ITGA7: variants seen among roughly 807,000 people sequenced by gnomAD.
ITGA7 encodes the protein integrin subunit alpha 7, also known as integrin alpha-7.
ITGA7 carries 84 observed loss-of-function variants against 131.6 expected under a neutral mutation model. The ratio of observed to expected loss-of-function variants is 0.64; its 90% CI spans 0.54 to 0.77. The LOEUF (loss-of-function observed/expected upper bound fraction) is 0.77. ITGA7 is among the 30% of genes least tolerant of loss of function. The pLI, the probability that ITGA7 is intolerant of heterozygous loss-of-function variation, is 0.00. For missense variants in ITGA7, 1,399 were observed against 1,482.9 expected, an observed-to-expected ratio of 0.94 and a Z score of 0.93; for synonymous variants, 548 against 600.7, an observed-to-expected ratio of 0.91 and a Z score of 1.28.
At chr12:55,702,340 C>A (rs1254392806) in intron 3 of ITGA7, among the ~76,000 whole-genome samples, 1 of 152,194 alleles carries the variant, frequency 6.6e-6, no homozygotes. Flanking sequence ...GCCACCACGC[C>A]CGGCTAATTT....
At chr12:55,712,144 A>G (rs1179030100), upstream of ITGA7, 1 of 1,551,528 alleles carries the variant, frequency 6.4e-7, no homozygotes, top group East Asian at 2.4e-5. Flanking sequence ...GCTGGGAGGA[A>G]AAGAACATAA....
rs775028246 is a variant in ITGA7 at position 55,692,993 on chromosome 12, G to A, written c.2713-18C>T. The A allele has an allele frequency of 3.7e-6, 6 of 1,613,720 alleles. No homozygotes were observed. The South Asian group carries it at 4.4e-5, about 12-fold the overall frequency. On this transcript the variant is annotated intron_variant, in intron 20 of 24. Transcript: ENST00000257879. ...TCCACATCCTGGACACGGAAGGGGGGTCTTAGTGAGTGTCCCTCCAATCAC... is the reference window on the plus strand; with the variant it reads ...TCCACATCCTGGACACGGAAGGGGGATCTTAGTGAGTGTCCCTCCAATCAC...
At chr12:55,687,902 A>T in intron 24 of ITGA7, 69 bp downstream of exon 24, 2 of 1,607,306 alleles carry the variant, frequency 1.2e-6, no homozygotes, top group Non-Finnish European at 1.7e-6. Context: ...GGGTGACAGA[A>T]CCACAATACA....
rs565879205 is a variant in ITGA7 at position 55,697,464 on chromosome 12, C to T, written c.1492G>A (p.Gly498Ser). ...IDLEQPNCAG[G>S]HSVCVDLRVC... ...ATCCCACCTCACCAGACCGAGTGGC[C>T]GCCAGCACAGTTGGGCTGCTCCAGG... is the stretch of plus-strand genomic sequence containing the variant. The change falls in exon 10 of 25, where the codon GGC becomes AGC. Residue 498 changes from glycine to serine, a missense_variant. Coordinates refer to ENST00000257879, the MANE Select transcript of ITGA7 (RefSeq NM_002206.3). 11 of 1,613,932 alleles carry T rather than the reference C, an allele frequency of 6.8e-6. 1 individual carries two copies. The highest frequency in any genetic ancestry group is 5.3e-5 in the African/African-American group (4 of 74,920).
chr12:55,688,381 G>A, intron 22 of ITGA7, 81 bp from the exon 23 acceptor site: 5 of 1,017,788 alleles, frequency 4.9e-6, no homozygotes, highest in East Asian at 2.4e-5. Flanking sequence ...AATTATAAAT[G>A]TAATGGTGCC....
At chr12:55,705,689 C>T (rs568564425) in intron 1 of ITGA7, among the ~76,000 whole-genome samples, 6 of 152,370 alleles carry the variant, frequency 3.9e-5, no homozygotes, top group Admixed American at 3.3e-4. Flanking sequence ...GCACTCACTG[C>T]GGGCTATGCA....
At chr12:55,700,813 T>A in intron 4 of ITGA7, 86 bp downstream of exon 4, 5 of 1,548,474 alleles carry the variant, frequency 3.2e-6, no homozygotes, top group Non-Finnish European at 4.5e-6. Context: ...CATGTGGTCA[T>A]GCTTGGCCAT....
chr12:55,716,062 G>A, upstream of ITGA7: 3 of 1,561,058 alleles, frequency 1.9e-6, no homozygotes, highest in South Asian at 2.3e-5. Flanking sequence ...ATGGCCCCGG[G>A]GAGCCGAGGT....
chr12:55,706,616 A>G (rs1875243020), intron 1 of ITGA7, among the ~76,000 whole-genome samples: 1 of 151,496 alleles, frequency 6.6e-6, no homozygotes, highest in Non-Finnish European at 1.5e-5. Context: ...TACAGGCAAC[A>G]TGACCAGTCA....
chr12:55,716,127 G>A, upstream of ITGA7: 1 of 1,610,426 alleles, frequency 6.2e-7, no homozygotes, highest in Non-Finnish European at 8.5e-7. Context: ...CCCCCAGCCC[G>A]ACGTGACCAT....
upstream of ITGA7, chr12:55,712,489 T>C (rs1373913970): frequency 1.7e-6 from 1 of 576,728 alleles, no homozygotes; most frequent in Non-Finnish European, 3.1e-6. Flanking sequence ...GTTTGGAGCT[T>C]GCTAATTAAA....
upstream of ITGA7, among the ~76,000 whole-genome samples, chr12:55,714,986 G>A (rs959599030): frequency 6.6e-6 from 1 of 150,716 alleles, no homozygotes; most frequent in African/African-American, 2.4e-5. Flanking sequence ...TCAGGCTCCT[G>A]AGTAGCTGGG....
At position 55,688,033 on chromosome 12, in the gene ITGA7, T is replaced by A. The variant is rs149724120; in HGVS notation, c.3121A>T (p.Ile1041Phe). ...VVAEGVPWWV[I>F]LLAVLAGLLV... The stretch of plus-strand genomic sequence containing the variant: ...AGCCCAGCCAGTACAGCCAGGAGGA[T>A]GACCCACCAGGGCACTCCTTCTGCC... The change falls in exon 24 of 25, where the codon ATC (isoleucine) becomes TTC (phenylalanine). Residue 1041 changes from isoleucine to phenylalanine, a missense_variant. Coordinates refer to ENST00000257879, the MANE Select transcript of ITGA7 (RefSeq NM_002206.3). 1 of 1,614,168 alleles carries A rather than the reference T, an allele frequency of 6.2e-7. No individual in the cohort carries two copies.
chr12:55,697,429 G>C (rs1872882532), intron 10 of ITGA7, 22 bp downstream of exon 10: 1 of 1,610,744 alleles, frequency 6.2e-7, no homozygotes, highest in Admixed American at 1.7e-5. Context: ...CAGGGTCCAG[G>C]TGCCACCCGA....
At chr12:55,708,026 G>T, upstream of ITGA7, 4 of 1,185,110 alleles carry the variant, frequency 3.4e-6, no homozygotes, top group Non-Finnish European at 2.1e-6. Context: ...CTGGTGGCTG[G>T]GATGGAAACT....
chr12:55,689,870 G>A (rs1871050608), intron 21 of ITGA7, among the ~76,000 whole-genome samples: 1 of 152,106 alleles, frequency 6.6e-6, no homozygotes, highest in South Asian at 2.1e-4. Flanking sequence ...AACCAGTGGG[G>A]AAAGGATTCC....
chr12:55,712,856 C>A (rs1315786783), upstream of ITGA7, among the ~76,000 whole-genome samples: 2 of 152,100 alleles, frequency 1.3e-5, no homozygotes, highest in African/African-American at 4.8e-5. Flanking sequence ...AAGGAACAGC[C>A]AGTGTGTGGG....
At chr12:55,714,856 A>G (rs1011416256), upstream of ITGA7, among the ~76,000 whole-genome samples, 1 of 144,732 alleles carries the variant, frequency 6.9e-6, no homozygotes, top group Non-Finnish European at 1.5e-5. Context: ...GTCTGGAATC[A>G]AGGCTTTTTT....
rs7953669 is a variant in ITGA7 at position 55,694,422 on chromosome 12, T to C, written c.2357+21A>G. Reference sequence around the variant, plus strand: ...CAATATGACTACCCCCACCTCACCCTTCCGGCCCCGCCTGGCTTACGTGGC... The same window carrying C: ...CAATATGACTACCCCCACCTCACCCCTCCGGCCCCGCCTGGCTTACGTGGC... On this transcript the variant is annotated intron_variant, in intron 17 of 24. Transcript: ENST00000257879. The surrounding 1 kb of genome is among the most constrained non-coding windows in gnomAD (Gnocchi z 5.3). 883,181 of 1,613,502 alleles carry C rather than the reference T, an allele frequency of 0.55. 250,309 individuals are homozygous for C. The highest frequency in any genetic ancestry group is 0.94 in the East Asian group (42,250 of 44,856).
Sources: allele counts gnomAD v4.1 joint callset (sites outside exome capture counted in the v4.1 genomes callset), GRCh38; gene constraint gnomAD v4.1.1; non-coding constraint Gnocchi (gnomAD v3.1); transcripts MANE v1.5; gene names NCBI Gene and HGNC (gene_info 2026-07-23, HGNC 2026-07-21).